Variants in CTNND2 observed in about 807,000 individuals in gnomAD.
CTNND2 encodes the protein catenin delta 2, also known as catenin delta-2.
CTNND2 carries 22 observed loss-of-function variants against 144.4 expected under a neutral mutation model. The ratio of observed to expected loss-of-function variants is 0.15; its 90% CI spans 0.11 to 0.22. CTNND2 has a LOEUF of 0.22. Among genes scored for constraint, CTNND2 ranks in the 10% least tolerant of loss-of-function variants. The probability of loss-of-function intolerance (pLI) is 1.00; values close to 1 mark genes in which losing one functional copy is unlikely to be tolerated. For synonymous variants in CTNND2, 751 were observed against 695.6 expected (o/e 1.08, Z -1.25); for missense variants, 1,353 against 1,618.8 (o/e 0.84, Z 2.82).
At chr5:11,874,131 C>A (rs559518223) in intron 1 of CTNND2, among the ~76,000 whole-genome samples, 4 of 152,268 alleles carry the variant, frequency 2.6e-5, no homozygotes, top group Non-Finnish European at 4.4e-5. Flanking sequence ...GAAGTCCCAT[C>A]CTAGTTTTAA....
At chr5:11,143,819 C>G (rs192688563) in intron 12 of CTNND2, among the ~76,000 whole-genome samples, 3 of 152,338 alleles carry the variant, frequency 2.0e-5, no homozygotes, top group Non-Finnish European at 4.4e-5. Flanking sequence ...AGCTATAATA[C>G]AGGACCAGGG....
chr5:11,398,365 T>A (rs982735425), intron 5 of CTNND2, among the ~76,000 whole-genome samples: 1 of 152,184 alleles, frequency 6.6e-6, no homozygotes, highest in Non-Finnish European at 1.5e-5. Context: ...TCACCTTTCA[T>A]AAAAATAATG....
At chr5:11,902,366 C>G (rs926781297) in intron 1 of CTNND2, among the ~76,000 whole-genome samples, 2 of 152,180 alleles carry the variant, frequency 1.3e-5, no homozygotes, top group Non-Finnish European at 2.9e-5. Flanking sequence ...AAAATAATGA[C>G]AGGTTCACCG....
At chr5:11,321,594 G>A (rs1314811789) in intron 9 of CTNND2, among the ~76,000 whole-genome samples, 1 of 152,152 alleles carries the variant, frequency 6.6e-6, no homozygotes, top group Non-Finnish European at 1.5e-5. Context: ...GTGAAGTAGG[G>A]ATTGTGAGAA....
chr5:10,991,640 A>C (rs1204464852), intron 19 of CTNND2, among the ~76,000 whole-genome samples: 2 of 152,254 alleles, frequency 1.3e-5, no homozygotes, highest in African/African-American at 2.4e-5. Flanking sequence ...ATTTTTACGA[A>C]TACAAGAAGT....
intron 2 of CTNND2, among the ~76,000 whole-genome samples, chr5:11,661,925 G>T (rs529912932): frequency 1.3e-5 from 2 of 151,440 alleles, no homozygotes; most frequent in Admixed American, 6.6e-5. Flanking sequence ...GATCAGCAGC[G>T]GCATTAGATT....
rs576461426 is a variant in CTNND2 at position 11,381,395 on chromosome 5, G to C, written c.1177+3270C>G. 3.3e-5 allele frequency among the ~76,000 whole-genome samples: 5 copies of C among 152,206 alleles called. 1 individual carries two copies. In the South Asian group the frequency reaches 1.0e-3, roughly 32 times the overall value. On this transcript the variant is annotated intron_variant, in intron 7 of 21. Coordinates refer to ENST00000304623, the MANE Select transcript of CTNND2 (RefSeq NM_001332.4). Reference sequence around the variant, plus strand: ...TCAAGTTCTCCACAAGACTTACAAGGCCTCTCAGACTTGGCCTTCCACTCC... The same window carrying C: ...TCAAGTTCTCCACAAGACTTACAAGCCCTCTCAGACTTGGCCTTCCACTCC...
intron 11 of CTNND2, among the ~76,000 whole-genome samples, chr5:11,181,718 G>C (rs373328948): frequency 0.03 from 4,562 of 150,494 alleles, 227 homozygotes; most frequent in African/African-American, 0.1. Context: ...CGTGTGGTGT[G>C]TGTGTGTGTT....
At position 11,189,293 on chromosome 5, in the gene CTNND2, GT is replaced by G. The variant is rs1319312591; in HGVS notation, c.1975+10154del. Among the ~76,000 whole-genome samples, 3 of 152,110 alleles carry G rather than the reference GT, an allele frequency of 2.0e-5. No homozygotes were observed. In the East Asian group the frequency reaches 5.8e-4, roughly 29 times the overall value. On this transcript the variant is annotated intron_variant, in intron 11 of 21. Transcript: ENST00000304623. ...TGGTCTATGGCTGTAAGGTGCCTGG[GT>G]CCTTACTCCTTGTATCCCAAGCACC...
chr5:11,171,937 G>A (rs1759966181), intron 11 of CTNND2, among the ~76,000 whole-genome samples: 1 of 152,170 alleles, frequency 6.6e-6, no homozygotes, highest in Admixed American at 6.5e-5. Context: ...TAGAGTAGAT[G>A]CCACCTAAAA....
chr5:11,312,238 C>T (rs1029326577), intron 9 of CTNND2, among the ~76,000 whole-genome samples: 17 of 150,674 alleles, frequency 1.1e-4, no homozygotes, highest in African/African-American at 3.9e-4. Flanking sequence ...CCTCACCCCA[C>T]ACTCACACAC....
chr5:11,496,643 C>A (rs1769973659), intron 3 of CTNND2, among the ~76,000 whole-genome samples: 1 of 152,146 alleles, frequency 6.6e-6, no homozygotes, highest in African/African-American at 2.4e-5. Flanking sequence ...AAGAATCCCT[C>A]ATTACTGTCA....
chr5:11,809,561 AG>A (rs1319946230), intron 1 of CTNND2, among the ~76,000 whole-genome samples: 1 of 152,214 alleles, frequency 6.6e-6, no homozygotes, highest in Non-Finnish European at 1.5e-5. Context: ...TGTCATTGTC[AG>A]GGAGAGGAAT....
chr5:11,471,286 T>C (rs1320107609), intron 3 of CTNND2, among the ~76,000 whole-genome samples: 1 of 151,980 alleles, frequency 6.6e-6, no homozygotes, highest in African/African-American at 2.4e-5. Context: ...CCAAAGTCTA[T>C]AATTTTAATG....
At chr5:11,173,872 C>T (rs867915441) in intron 11 of CTNND2, among the ~76,000 whole-genome samples, 2 of 152,278 alleles carry the variant, frequency 1.3e-5, no homozygotes, top group African/African-American at 4.8e-5. Flanking sequence ...TCTGTCACCC[C>T]AAAAGGATGG....
At chr5:11,163,628 G>A (rs1373940006) in intron 11 of CTNND2, among the ~76,000 whole-genome samples, 1 of 152,046 alleles carries the variant, frequency 6.6e-6, no homozygotes, top group Non-Finnish European at 1.5e-5. Flanking sequence ...TACAATGGAT[G>A]GACTCATTTT....
chr5:11,519,765 T>C (rs192668023), intron 3 of CTNND2, among the ~76,000 whole-genome samples: 3 of 152,110 alleles, frequency 2.0e-5, no homozygotes, highest in Admixed American at 2.0e-4. Context: ...GGTAGGTAGG[T>C]AGGTAGGTAG....
chr5:11,225,715 G>A (rs184358732), intron 10 of CTNND2, among the ~76,000 whole-genome samples: 9 of 152,074 alleles, frequency 5.9e-5, no homozygotes, highest in Admixed American at 2.0e-4. Flanking sequence ...CCTACCCCTC[G>A]CCACCTCACT....
chr5:11,482,601 C>T (rs920742788), intron 3 of CTNND2, among the ~76,000 whole-genome samples: 1 of 151,930 alleles, frequency 6.6e-6, no homozygotes, highest in African/African-American at 2.4e-5. Context: ...CAGAGAGCAG[C>T]GTGCTAGAGA....
Sources: allele counts gnomAD v4.1 joint callset (sites outside exome capture counted in the v4.1 genomes callset), GRCh38; gene constraint gnomAD v4.1.1; transcripts MANE v1.5; gene names NCBI Gene and HGNC (gene_info 2026-07-23, HGNC 2026-07-21).